ARFGEF3: variants seen among roughly 807,000 people sequenced by gnomAD.
ARFGEF3 encodes the protein brefeldin A-inhibited guanine nucleotide-exchange protein 3.
ARFGEF3 carries 96 observed loss-of-function variants against 221.7 expected under a neutral mutation model. The ratio of observed to expected loss-of-function variants is 0.43; its 90% CI spans 0.37 to 0.51. The LOEUF (loss-of-function observed/expected upper bound fraction) is 0.51. Ranked by LOEUF, ARFGEF3 falls within the 20% of genes least tolerant of loss-of-function variation. The probability of loss-of-function intolerance (pLI) is 0.00; values close to 1 mark genes in which losing one functional copy is unlikely to be tolerated. For synonymous variants in ARFGEF3, 1,145 were observed against 1,126.8 expected (o/e 1.02, Z -0.32); for missense variants, 2,410 against 2,789.9 (o/e 0.86, Z 3.07).
At chr6:138,239,119 T>A (rs1260083533) in intron 6 of ARFGEF3, among the ~76,000 whole-genome samples, 1 of 152,144 alleles carries the variant, frequency 6.6e-6, no homozygotes, top group Non-Finnish European at 1.5e-5. Flanking sequence ...CCACTAGAGC[T>A]TTTTGCTCTA....
At chr6:138,183,963 C>T (rs1238047812) in intron 2 of ARFGEF3, among the ~76,000 whole-genome samples, 1 of 152,160 alleles carries the variant, frequency 6.6e-6, no homozygotes, top group Non-Finnish European at 1.5e-5. Flanking sequence ...GTATCTCCCC[C>T]ATATTGGGGC....
At chr6:138,199,512 G>A (rs1051929887) in intron 2 of ARFGEF3, among the ~76,000 whole-genome samples, 29 of 152,156 alleles carry the variant, frequency 1.9e-4, no homozygotes, top group African/African-American at 2.9e-4. Context: ...CCATGAGCAT[G>A]GGATGTGTTT....
At chr6:138,217,775 G>A in intron 4 of ARFGEF3, 1 of 632,048 alleles carries the variant, frequency 1.6e-6, no homozygotes, top group Non-Finnish European at 2.4e-6. Context: ...TGAGATAATA[G>A]ATAATAATCT....
chr6:138,185,204 A>T (rs1777159105), intron 2 of ARFGEF3, among the ~76,000 whole-genome samples: 1 of 152,206 alleles, frequency 6.6e-6, no homozygotes, highest in African/African-American at 2.4e-5. Flanking sequence ...CCTTCAAATG[A>T]TGCTTGGAGC....
At chr6:138,323,824 C>T in intron 30 of ARFGEF3, 51 bp downstream of exon 30, 1 of 1,584,180 alleles carries the variant, frequency 6.3e-7, no homozygotes, top group African/African-American at 1.3e-5. Flanking sequence ...CCATCTTTAG[C>T]TCCTGATCCC....
At chr6:138,197,735 G>A (rs1458294755) in intron 2 of ARFGEF3, among the ~76,000 whole-genome samples, 1 of 152,130 alleles carries the variant, frequency 6.6e-6, no homozygotes, top group Non-Finnish European at 1.5e-5. Flanking sequence ...AGAGTTGTTG[G>A]GATCAAGTGC....
At chr6:138,298,574 G>T (rs764227829) in intron 21 of ARFGEF3, 32 bp from the exon 22 acceptor site, 14 of 1,591,846 alleles carry the variant, frequency 8.8e-6, no homozygotes, top group Non-Finnish European at 1.1e-5. Flanking sequence ...CTGCTGTCCT[G>T]ATGGTGAGCC....
chr6:138,262,633 T>G, intron 11 of ARFGEF3, 68 bp from the exon 12 acceptor site: 2 of 1,474,770 alleles, frequency 1.4e-6, no homozygotes, highest in Non-Finnish European at 1.8e-6. Context: ...CTAACACTCT[T>G]GTTCCTTTCA....
At position 138,238,499 on chromosome 6, in the gene ARFGEF3, T is replaced by G; in HGVS notation, c.421-10T>G. ...CAGACATGTGTGTTGCTGTCTTATT[T>G]CTTTAACAGGTGTGCATTGAGACGT... On this transcript the variant is annotated splice_polypyrimidine_tract_variant and intron_variant, in intron 5 of 33. Transcript: ENST00000251691. 10 of 1,611,796 alleles carry G rather than the reference T, an allele frequency of 6.2e-6. No homozygotes were observed. Among genetic ancestry groups the G allele is most frequent in the Non-Finnish European group, 7.6e-6 (9 of 1,178,204 alleles).
intron 27 of ARFGEF3, 107 bp from the exon 28 acceptor site, chr6:138,319,596 T>G (rs1489189615): frequency 3.9e-6 from 3 of 766,692 alleles, no homozygotes; most frequent in Non-Finnish European, 6.2e-6. Context: ...TCCCTGCACT[T>G]TCTCAGCAAA....
Position 138,336,342 on chromosome 6 carries a change from C to T in ARFGEF3, c.6390C>T (p.Leu2130=). Residue 2130 remains leucine (L), a synonymous_variant, in exon 34 of 34, where the codon CTC becomes CTT. Coordinates refer to ENST00000251691, the MANE Select transcript of ARFGEF3 (RefSeq NM_020340.5). The part of the protein sequence containing the change: ...VLTVLNQIQI[L]PDQTFTALQP... ...CAGTTCTCAATCAGATTCAGATTCT[C>T]CCAGACCAGACCTTCACGGCCCTCC... 1 of 1,609,442 alleles carries T rather than the reference C, an allele frequency of 6.2e-7. No individual in the cohort carries two copies. Among genetic ancestry groups the T allele is most frequent in the Non-Finnish European group, 8.5e-7 (1 of 1,178,044 alleles).
chr6:138,201,538 AGAC>A (rs1436547985), intron 2 of ARFGEF3, among the ~76,000 whole-genome samples: 1 of 152,232 alleles, frequency 6.6e-6, no homozygotes, highest in Admixed American at 6.5e-5. Flanking sequence ...ATAAGATTGG[AGAC>A]TATTATTCTA....
At chr6:138,231,199 G>A (rs1300721720) in intron 5 of ARFGEF3, among the ~76,000 whole-genome samples, 3 of 152,156 alleles carry the variant, frequency 2.0e-5, no homozygotes, top group East Asian at 3.9e-4. Flanking sequence ...AGTTCGGCAC[G>A]AGTGAAGGGT....
At chr6:138,209,796 C>G in intron 3 of ARFGEF3, 114 bp from the exon 4 acceptor site, 1 of 1,336,982 alleles carries the variant, frequency 7.5e-7, no homozygotes, top group Non-Finnish European at 1.0e-6. Context: ...TTAATGGCCT[C>G]CAGCTACACG....
At chr6:138,290,007 T>C in intron 18 of ARFGEF3, 39 bp downstream of exon 18, 1 of 1,573,236 alleles carries the variant, frequency 6.4e-7, no homozygotes, top group Non-Finnish European at 8.6e-7. Flanking sequence ...GCACTAACCC[T>C]GCCTTGGGAA....
intron 5 of ARFGEF3, among the ~76,000 whole-genome samples, chr6:138,233,980 C>G (rs1433784378): frequency 6.6e-6 from 1 of 152,180 alleles, no homozygotes; most frequent in Admixed American, 6.5e-5. Context: ...GAAACCCTTT[C>G]TTTCCTGTGT....
At chr6:138,247,237 G>A (rs977018176) in intron 8 of ARFGEF3, among the ~76,000 whole-genome samples, 6 of 152,150 alleles carry the variant, frequency 3.9e-5, no homozygotes, top group Admixed American at 6.5e-5. Flanking sequence ...TGACCATGGC[G>A]TGTTGGAACA....
intron 9 of ARFGEF3, 115 bp from the exon 10 acceptor site, chr6:138,255,321 G>T (rs929681899): frequency 5.9e-6 from 4 of 682,630 alleles, no homozygotes; most frequent in East Asian, 5.5e-5. Context: ...GTAGCCAAAA[G>T]AAGAAGAAGT....
chr6:138,229,885 A>G, intron 5 of ARFGEF3, 33 bp downstream of exon 5: 1 of 1,569,278 alleles, frequency 6.4e-7, no homozygotes. Context: ...CCTCCTGTTC[A>G]CAGCTGCTTT....
Sources: allele counts gnomAD v4.1 joint callset (sites outside exome capture counted in the v4.1 genomes callset), GRCh38; gene constraint gnomAD v4.1.1; transcripts MANE v1.5; gene names NCBI Gene and HGNC (gene_info 2026-07-23, HGNC 2026-07-21).